ADARB2: variants seen among roughly 807,000 people sequenced by gnomAD.
The protein encoded by ADARB2 is adenosine deaminase RNA specific B2 (inactive).
In ADARB2, 25 loss-of-function variants were observed where a neutral mutation model predicts 62.2. The observed-to-expected ratio is 0.40, with a 90% CI of 0.29 to 0.56. ADARB2 has a LOEUF of 0.56. Among genes scored for constraint, ADARB2 ranks in the 20% least tolerant of loss-of-function variants. The probability of loss-of-function intolerance (pLI) is 0.43; values close to 1 mark genes in which losing one functional copy is unlikely to be tolerated. For missense variants in ADARB2, 1,071 were observed against 1,077.4 expected (o/e 0.99, Z 0.08); for synonymous variants, 572 against 500.8 (o/e 1.14, Z -1.90).
rs539782914 is a variant in ADARB2 at position 1,514,364 on chromosome 10, C to T, written c.101-135204G>A. Among the ~76,000 whole-genome samples, 4 of 151,688 alleles carry T rather than the reference C, an allele frequency of 2.6e-5. No homozygotes were observed. In the East Asian group the frequency reaches 7.8e-4, roughly 29 times the overall value. ...ACGGCCCTCAATTTCAGGGTAACAG[C>T]CGTCAGTTCTCCACTGCTTCTCAAT... On this transcript the variant is annotated intron_variant, in intron 1 of 9. Transcript: ENST00000381312.
chr10:1,708,028 T>C (rs183306026), intron 1 of ADARB2, among the ~76,000 whole-genome samples: 1 of 152,270 alleles, frequency 6.6e-6, no homozygotes, highest in African/African-American at 2.4e-5. Context: ...TTCAGGAAAA[T>C]GACACGGTAG....
At chr10:1,269,093 GCCCCT>G (rs1159316711) in intron 4 of ADARB2, among the ~76,000 whole-genome samples, 1 of 152,062 alleles carries the variant, frequency 6.6e-6, no homozygotes, top group Non-Finnish European at 1.5e-5. Context: ...GGTGGCTGGT[GCCCCT>G]CCCCTCCCCT....
intron 1 of ADARB2, among the ~76,000 whole-genome samples, chr10:1,641,005 T>C (rs1289312587): frequency 6.6e-6 from 1 of 152,220 alleles, no homozygotes; most frequent in Non-Finnish European, 1.5e-5. Flanking sequence ...AAAGCTTAGA[T>C]TCTAGCGAAA....
intron 1 of ADARB2, among the ~76,000 whole-genome samples, chr10:1,462,483 A>G (rs1428733535): frequency 6.6e-6 from 1 of 152,250 alleles, no homozygotes; most frequent in African/African-American, 2.4e-5. Context: ...GGGGCTTGAG[A>G]GTTGCCCAGT....
chr10:1,393,128 C>A (rs1033396221), intron 1 of ADARB2, among the ~76,000 whole-genome samples: 1 of 152,212 alleles, frequency 6.6e-6, no homozygotes, highest in Non-Finnish European at 1.5e-5. Context: ...ACTAGTCGCA[C>A]AGCCAAATTT....
chr10:1,616,350 G>C (rs2132023895), intron 1 of ADARB2, among the ~76,000 whole-genome samples: 1 of 152,372 alleles, frequency 6.6e-6, no homozygotes, highest in Non-Finnish European at 1.5e-5. Context: ...AGCAAGTAGT[G>C]CTAGATGTCT....
chr10:1,683,000 G>C (rs1001785789), intron 1 of ADARB2, among the ~76,000 whole-genome samples: 1 of 152,204 alleles, frequency 6.6e-6, no homozygotes, highest in Admixed American at 6.5e-5. Flanking sequence ...GAAGCACGTG[G>C]TTATCGAACG....
chr10:1,467,994 A>G (rs1831273613), intron 1 of ADARB2, among the ~76,000 whole-genome samples: 1 of 152,210 alleles, frequency 6.6e-6, no homozygotes, highest in Non-Finnish European at 1.5e-5. Context: ...AGTGGAATCA[A>G]AAGTCTAGCC....
At chr10:1,442,667 A>G (rs1830920798) in intron 1 of ADARB2, among the ~76,000 whole-genome samples, 1 of 152,250 alleles carries the variant, frequency 6.6e-6, no homozygotes, top group Non-Finnish European at 1.5e-5. Flanking sequence ...TTCTTATGAG[A>G]TTAAATGAAA....
chr10:1,363,428 T>G lies in ADARB2; in HGVS notation c.677A>C (p.Glu226Ala). 7.2e-7 allele frequency: 1 copy of G among 1,380,920 alleles called. No individual in the cohort carries two copies. Among genetic ancestry groups the G allele is most frequent in the Non-Finnish European group, 9.4e-7 (1 of 1,065,966 alleles). 85.5% of individuals were successfully genotyped at this position (1,380,920 alleles called of 1,614,324 possible). ...QADFPDTLFQ[E>A]FEPPAPRPGL... ...GGGGCGCGGCGCCGGGGGCTCGAACTCCTGGAAGAGCGTGTCGGGGAAATC... is the reference window on the plus strand; with the variant it reads ...GGGGCGCGGCGCCGGGGGCTCGAACGCCTGGAAGAGCGTGTCGGGGAAATC... The change falls in exon 3 of 10, where the codon GAG becomes GCG. Residue 226 changes from glutamate (E) to alanine (A), a missense_variant. Physicochemically the swap from Glu to Ala is moderately radical, Grantham distance 107 (BLOSUM62 -1). Transcript: ENST00000381312.
At chr10:1,299,871 CTG>C (rs1379989202) in intron 3 of ADARB2, among the ~76,000 whole-genome samples, 1 of 152,240 alleles carries the variant, frequency 6.6e-6, no homozygotes, top group Non-Finnish European at 1.5e-5. Context: ...CTTCCCTGCT[CTG>C]TGTCTCCAAG....
intron 1 of ADARB2, among the ~76,000 whole-genome samples, chr10:1,528,224 G>C (rs1445975303): frequency 6.6e-6 from 1 of 152,194 alleles, no homozygotes; most frequent in Non-Finnish European, 1.5e-5. Context: ...GCAGCTCCGC[G>C]CCTCCTGTGA....
intron 1 of ADARB2, among the ~76,000 whole-genome samples, chr10:1,551,838 G>A (rs1832628554): frequency 6.6e-6 from 1 of 152,214 alleles, no homozygotes; most frequent in Non-Finnish European, 1.5e-5. Context: ...ATAGACAGGT[G>A]CTCTGAGAAG....
rs563832505 is a variant in ADARB2 at position 1,285,328 on chromosome 10, C to T, written c.1078-14259G>A. Reference sequence around the variant, plus strand: ...TCCTGTGAACCCTTACAAAGCAGCTCGGCTTCTCGCAGGGACGATGGTGGT... The same window carrying T: ...TCCTGTGAACCCTTACAAAGCAGCTTGGCTTCTCGCAGGGACGATGGTGGT... On this transcript the variant is annotated intron_variant, in intron 3 of 9. Transcript: ENST00000381312. Among the ~76,000 whole-genome samples, 19 of 140,602 alleles carry T rather than the reference C, an allele frequency of 1.4e-4. No individual in the cohort carries two copies. The East Asian group carries it at 2.0e-3, about 15-fold the overall frequency. 92.2% of individuals were successfully genotyped at this position (140,602 alleles called of 152,430 possible).
At chr10:1,511,396 C>A (rs1831934608) in intron 1 of ADARB2, among the ~76,000 whole-genome samples, 1 of 152,016 alleles carries the variant, frequency 6.6e-6, no homozygotes, top group Admixed American at 6.6e-5. Context: ...TCAGGTAGCT[C>A]CTATTCCAGT....
chr10:1,214,231 CACCT>C, intron 7 of ADARB2, among the ~76,000 whole-genome samples: 1 of 149,740 alleles, frequency 6.7e-6, no homozygotes, highest in Non-Finnish European at 1.5e-5. Flanking sequence ...TGTAGGTTTG[CACCT>C]GTGCCTGGAC....
chr10:1,186,311 G>A (rs1564214160), intron 8 of ADARB2, among the ~76,000 whole-genome samples: 1 of 152,214 alleles, frequency 6.6e-6, no homozygotes, highest in South Asian at 2.1e-4. Flanking sequence ...GGGGAGGCAC[G>A]TGCTGTTTGG....
chr10:1,356,251 A>G (rs12415998), intron 3 of ADARB2, among the ~76,000 whole-genome samples: 11,403 of 152,238 alleles, frequency 0.075, 775 homozygotes, highest in African/African-American at 0.18. Context: ...GTGTGTGGCC[A>G]CAAAACCCAG....
At chr10:1,425,747 G>T (rs1832888865) in intron 1 of ADARB2, among the ~76,000 whole-genome samples, 1 of 152,220 alleles carries the variant, frequency 6.6e-6, no homozygotes, top group African/African-American at 2.4e-5. Context: ...TTCCTTGTCA[G>T]CAGGTTAGTT....
Sources: gnomAD v4.1 joint callset for allele counts (sites outside exome capture counted in the v4.1 genomes callset) on GRCh38, gnomAD v4.1.1 for gene constraint, MANE v1.5 for transcripts, NCBI Gene and HGNC (gene_info 2026-07-23, HGNC 2026-07-21) for gene names.